The following SLAIN2 variants were observed in gnomAD, a reference collection of about 807,000 sequenced individuals.
The protein encoded by SLAIN2 is SLAIN family member 2.
SLAIN2 carries 31 observed loss-of-function variants against 56.6 expected under a neutral mutation model. The ratio of observed to expected loss-of-function variants is 0.55; its 90% confidence interval spans 0.41 to 0.74. The LOEUF (loss-of-function observed/expected upper bound fraction) is 0.74. Among genes scored for constraint, SLAIN2 ranks in the 30% least tolerant of loss-of-function variants. The pLI is 0.00. For missense variants in SLAIN2, 777 were observed against 754.2 expected, an observed-to-expected ratio of 1.03 and a Z score of -0.35; for synonymous variants, 317 against 284.9, an observed-to-expected ratio of 1.11 and a Z score of -1.13.
intron 3 of SLAIN2, among the ~76,000 whole-genome samples, chr4:48,378,372 G>A (rs1183043435): frequency 6.6e-6 from 1 of 152,122 alleles, no homozygotes; most frequent in Non-Finnish European, 1.5e-5. Context: ...AGCCTACTTG[G>A]GTTGTAAAAA....
At position 48,424,192 on chromosome 4, in the gene SLAIN2, C is replaced by T. The variant is rs1316949057; in HGVS notation, c.*2115C>T. 3 of 151,676 alleles carry T rather than the reference C, an allele frequency of 2.0e-5. No individual in the cohort carries two copies. Among genetic ancestry groups the T allele is most frequent in the Non-Finnish European group, 4.4e-5 (3 of 67,934 alleles). 9.4% of individuals were successfully genotyped at this position (151,676 alleles called of 1,614,324 possible). A position where few individuals can be genotyped will look rare whatever the true frequency, so the allele number is the denominator to read the frequency against. Reference sequence around the variant, plus strand: ...TCACTTGTTAAAACATATTTTTGATCTGAGTTTGGTAAAGTATTATTTTAC... The same window carrying T: ...TCACTTGTTAAAACATATTTTTGATTTGAGTTTGGTAAAGTATTATTTTAC... On this transcript the variant is annotated 3_prime_UTR_variant, in exon 8 of 8. Coordinates refer to ENST00000264313, the MANE Select transcript of SLAIN2 (RefSeq NM_020846.2).
rs1298071654 is a variant in SLAIN2, at chr4:48,424,085, A to G, written c.*2008A>G. On this transcript the variant is annotated 3_prime_UTR_variant, in exon 8 of 8. Transcript: ENST00000264313. ...TTTAAGTTAGATAATCAGTTTCAAA[A>G]GGAGTATTCAGGTTATTTAACTTTG... 1 of 152,188 alleles carries G rather than the reference A, an allele frequency of 6.6e-6. No homozygotes were observed. Among genetic ancestry groups the G allele is most frequent in the African/African-American group, 2.4e-5 (1 of 41,460 alleles). The allele number at this position is 152,188 out of a possible 1,614,324, so 9.4% of individuals were successfully genotyped here.
At position 48,419,871 on chromosome 4, in the gene SLAIN2, T is replaced by G. The variant is rs1042986151; in HGVS notation, c.1361-254T>G. Among the ~76,000 whole-genome samples the G allele has an allele frequency of 7.9e-5, 12 of 152,196 alleles. No individual in the cohort carries two copies. Among genetic ancestry groups the G allele is most frequent in the African/African-American group, 2.7e-4 (11 of 41,448 alleles). ...CTGCAGTGCCTTTTCTCTTCTGGTA[T>G]TATGGATTCCAAGCTGGCCTATTTA... is the stretch of plus-strand genomic sequence containing the variant. On this transcript the variant is annotated intron_variant, in intron 6 of 7. Transcript: ENST00000264313.
At chr4:48,365,975 C>T (rs1175555572) in intron 1 of SLAIN2, among the ~76,000 whole-genome samples, 2 of 152,150 alleles carry the variant, frequency 1.3e-5, no homozygotes, top group Non-Finnish European at 2.9e-5. Context: ...TCTCTAAGCA[C>T]TTTTTTAGCG....
rs1167153147 is a variant in SLAIN2 at position 48,423,538 on chromosome 4, C to T, written c.*1461C>T. 6 of 151,984 alleles carry T rather than the reference C, an allele frequency of 3.9e-5. No homozygotes were observed. The highest frequency in any genetic ancestry group is 2.0e-4 in the Admixed American group (3 of 15,236). 9.4% of individuals were successfully genotyped at this position (151,984 alleles called of 1,614,324 possible). On this transcript the variant is annotated 3_prime_UTR_variant, in exon 8 of 8. Transcript: ENST00000264313. ...CATTTCCTGTTAATCAAAGACATTCCGTAAGTTGGCAAAAGAAATTGGGAG... is the reference window on the plus strand; with the variant it reads ...CATTTCCTGTTAATCAAAGACATTCTGTAAGTTGGCAAAAGAAATTGGGAG...
At chr4:48,372,580 T>C (rs1715698211) in intron 2 of SLAIN2, among the ~76,000 whole-genome samples, 1 of 152,184 alleles carries the variant, frequency 6.6e-6, no homozygotes, top group Non-Finnish European at 1.5e-5. Context: ...CAACCTGGAC[T>C]TGGGTAAAAG....
chr4:48,370,095 A>C, intron 2 of SLAIN2, 98 bp downstream of exon 2: 3 of 1,234,414 alleles, frequency 2.4e-6, no homozygotes, highest in Non-Finnish European at 3.4e-6. Context: ...AATTCTTTGG[A>C]GCATTTTTCA....
At chr4:48,421,961 T>C (rs1717166550) in intron 7 of SLAIN2, 50 bp from the exon 8 acceptor site, 2 of 1,398,552 alleles carry the variant, frequency 1.4e-6, no homozygotes, top group Non-Finnish European at 2.0e-6. Context: ...TATGGTACTA[T>C]TTCATAAAGA....
At chr4:48,387,974 A>G (rs190002585) in intron 6 of SLAIN2, among the ~76,000 whole-genome samples, 2 of 152,110 alleles carry the variant, frequency 1.3e-5, no homozygotes, top group East Asian at 1.9e-4. Flanking sequence ...TGTTTTAAGT[A>G]TTTATTTTTT....
chr4:48,391,996 A>G (rs893234409), intron 6 of SLAIN2, among the ~76,000 whole-genome samples: 3 of 152,222 alleles, frequency 2.0e-5, no homozygotes, highest in African/African-American at 7.2e-5. Context: ...AAAATAACCA[A>G]AGAAAGTTTT....
intron 6 of SLAIN2, among the ~76,000 whole-genome samples, chr4:48,393,994 T>C (rs867755472): frequency 9.2e-5 from 14 of 152,142 alleles, no homozygotes; most frequent in Admixed American, 3.9e-4. Context: ...TGCATACGTA[T>C]GTGCACAGCT....
intron 1 of SLAIN2, among the ~76,000 whole-genome samples, chr4:48,362,586 A>G (rs1450645848): frequency 7.2e-6 from 1 of 138,516 alleles, no homozygotes; most frequent in Admixed American, 7.2e-5. Context: ...GCCCGGCTAC[A>G]TTTTTTTTTT....
intron 1 of SLAIN2, among the ~76,000 whole-genome samples, chr4:48,349,785 T>A (rs1302641618): frequency 6.6e-6 from 1 of 152,226 alleles, no homozygotes; most frequent in Non-Finnish European, 1.5e-5. Context: ...TAAGATTATA[T>A]ATCACAGATG....
At chr4:48,395,603 A>T (rs1043796518) in intron 6 of SLAIN2, among the ~76,000 whole-genome samples, 1 of 152,142 alleles carries the variant, frequency 6.6e-6, no homozygotes, top group Non-Finnish European at 1.5e-5. Flanking sequence ...AGGTAAGTCA[A>T]ATAGGCAAAT....
chr4:48,378,882 A>G (rs1715898157), intron 3 of SLAIN2, among the ~76,000 whole-genome samples: 1 of 152,158 alleles, frequency 6.6e-6, no homozygotes, highest in Non-Finnish European at 1.5e-5. Context: ...TTTTTCATTA[A>G]TAGTATAAAG....
chr4:48,342,119 A>G lies in SLAIN2; in HGVS notation c.380A>G (p.Glu127Gly). The G allele has an allele frequency of 1.5e-6, 2 of 1,359,318 alleles. No individual in the cohort carries two copies. The highest frequency in any genetic ancestry group is 1.8e-5 in the South Asian group (1 of 56,254). The allele number at this position is 1,359,318 out of a possible 1,614,324, so 84.2% of individuals were successfully genotyped here. A position where few individuals can be genotyped will look rare whatever the true frequency, so the allele number is the denominator to read the frequency against. The change falls in exon 1 of 8, where the codon GAG becomes GGG. Residue 127 changes from glutamate (E) to glycine (G), a missense_variant. Transcript: ENST00000264313. Reference protein sequence around the residue: ...LERLSGWEEEEESWLYSSPKK... With the variant: ...LERLSGWEEEGESWLYSSPKK... ...CGCCTGTCAGGCTGGGAGGAGGAGG[A>G]GGAGAGCTGGTGAGCGCGAGGCGCC...
chr4:48,352,013 A>G (rs543133673), intron 1 of SLAIN2, among the ~76,000 whole-genome samples: 36 of 152,298 alleles, frequency 2.4e-4, no homozygotes, highest in African/African-American at 8.7e-4. Flanking sequence ...AACTAAAGGG[A>G]TGTTTGTTAG....
intron 6 of SLAIN2, among the ~76,000 whole-genome samples, chr4:48,391,192 T>C (rs1716228210): frequency 6.6e-6 from 1 of 152,206 alleles, no homozygotes; most frequent in African/African-American, 2.4e-5. Flanking sequence ...AATAATATAT[T>C]GTACCACAGG....
At chr4:48,359,637 G>C (rs1235297805) in intron 1 of SLAIN2, among the ~76,000 whole-genome samples, 1 of 152,130 alleles carries the variant, frequency 6.6e-6, no homozygotes, top group Non-Finnish European at 1.5e-5. Flanking sequence ...TTTTGGTAGA[G>C]AAAGGGAGGT....
Sources: allele counts gnomAD v4.1 joint callset (sites outside exome capture counted in the v4.1 genomes callset), GRCh38; gene constraint gnomAD v4.1.1; transcripts MANE v1.5; gene names NCBI Gene and HGNC (gene_info 2026-07-23, HGNC 2026-07-21).